Variants in MICAL3 observed in about 807,000 individuals in gnomAD.
MICAL3 encodes [F-actin]-monooxygenase MICAL3.
MICAL3 carries 62 observed loss-of-function variants against 207.4 expected under a neutral mutation model. The observed-to-expected ratio is 0.30, with a 90% CI of 0.24 to 0.37. MICAL3 has a LOEUF of 0.37. Among genes scored for constraint, MICAL3 ranks in the 10% least tolerant of loss-of-function variants. The pLI is 1.00. For missense variants in MICAL3, 2,368 were observed against 2,635.6 expected, an observed-to-expected ratio of 0.90 and a Z score of 2.22; for synonymous variants, 1,077 against 1,069.3, an observed-to-expected ratio of 1.01 and a Z score of -0.14.
intron 12 of MICAL3, among the ~76,000 whole-genome samples, chr22:17,891,121 G>A (rs1569118690): frequency 6.6e-6 from 1 of 152,162 alleles, no homozygotes; most frequent in South Asian, 2.1e-4. Flanking sequence ...TTGAGAGACA[G>A]CTGGCCGAAA....
chr22:17,884,598 G>A (rs1295221736), intron 16 of MICAL3, among the ~76,000 whole-genome samples: 3 of 152,142 alleles, frequency 2.0e-5, no homozygotes, highest in South Asian at 2.1e-4. Context: ...GCTGTAATAC[G>A]CATCATCTCT....
intron 5 of MICAL3, 131 bp downstream of exon 5, chr22:17,901,747 C>A: frequency 3.6e-6 from 2 of 549,064 alleles, no homozygotes; most frequent in East Asian, 3.0e-5. Flanking sequence ...CCTGCCATTC[C>A]ATCAGGGCAG....
intron 17 of MICAL3, 86 bp downstream of exon 17, chr22:17,871,751 G>T: frequency 7.8e-7 from 1 of 1,276,406 alleles, no homozygotes; most frequent in Non-Finnish European, 1.1e-6. Context: ...GAATAAGGCA[G>T]GAAGGGGCCC....
chr22:17,993,642 G>C (rs1921944058), intron 1 of MICAL3, among the ~76,000 whole-genome samples: 1 of 151,908 alleles, frequency 6.6e-6, no homozygotes, highest in Non-Finnish European at 1.5e-5. Context: ...TGCCCCCCGG[G>C]AAGCCCCCCT....
Position 17,818,201 on chromosome 22 carries a change from G to C in MICAL3, c.4460C>G (p.Pro1487Arg). The change falls in exon 26 of 32, where the codon CCG becomes CGG. Residue 1487 changes from proline to arginine, a missense_variant. Pro to Arg is a moderately radical substitution (Grantham distance 103). Transcript: ENST00000441493. ...CATCCAGGTGGCGGGCAAGGGCGGC[G>C]GGACCACCGAGGCATTGGGCTCGGC... ...REAEPNASVV[P>R]PPLPATWMRP... 1 of 1,556,538 alleles carries C rather than the reference G, an allele frequency of 6.4e-7. No individual in the cohort carries two copies. Among genetic ancestry groups the C allele is most frequent in the Non-Finnish European group, 8.6e-7 (1 of 1,157,524 alleles).
chr22:17,871,276 G>A (rs1927699601), intron 17 of MICAL3, among the ~76,000 whole-genome samples: 2 of 152,290 alleles, frequency 1.3e-5, no homozygotes, highest in South Asian at 4.2e-4. Context: ...TGTTGCCAAA[G>A]ACCAGGCCTT....
At position 17,823,272 on chromosome 22, in the gene MICAL3, C is replaced by T. The variant is rs566120752; in HGVS notation, c.3194-212G>A. Among the ~76,000 whole-genome samples, 57 of 152,348 alleles carry T rather than the reference C, an allele frequency of 3.7e-4. 1 individual carries two copies. The highest frequency in any genetic ancestry group is 7.6e-4 in the Non-Finnish European group (52 of 68,022). On this transcript the variant is annotated intron_variant, in intron 22 of 31. Coordinates refer to ENST00000441493, the MANE Select transcript of MICAL3 (RefSeq NM_015241.3). ...CCAAACACAGGAGGTGGGCATTTCT[C>T]AATGCTAGGGGCCAAGTGGGAAGAG... is the stretch of plus-strand genomic sequence containing the variant.
chr22:18,016,797 G>A (rs1924082749), intron 1 of MICAL3, among the ~76,000 whole-genome samples: 4 of 151,956 alleles, frequency 2.6e-5, no homozygotes, highest in Admixed American at 1.3e-4. Flanking sequence ...AAACTTAGCC[G>A]GGGGTGGTGG....
intron 19 of MICAL3, among the ~76,000 whole-genome samples, chr22:17,853,996 C>G (rs1286215459): frequency 6.6e-6 from 1 of 152,176 alleles, no homozygotes; most frequent in African/African-American, 2.4e-5. Context: ...GGGCTGGGAG[C>G]TGGCAACACT....
intron 19 of MICAL3, chr22:17,858,497 C>T (rs1042754997): frequency 9.1e-6 from 9 of 985,110 alleles, no homozygotes; most frequent in East Asian, 1.1e-4. Flanking sequence ...TGGCTGCTGC[C>T]GTTCAGAGCT....
chr22:17,892,595 A>T (rs1418873865), intron 11 of MICAL3, among the ~76,000 whole-genome samples: 1 of 152,212 alleles, frequency 6.6e-6, no homozygotes, highest in East Asian at 1.9e-4. Context: ...ATGAGCTTTT[A>T]CTCAGATCTG....
At chr22:17,795,106 T>C (rs2061861475) in intron 29 of MICAL3, among the ~76,000 whole-genome samples, 1 of 152,216 alleles carries the variant, frequency 6.6e-6, no homozygotes, top group African/African-American at 2.4e-5. Flanking sequence ...GAATCTGCTA[T>C]TGGGTACAAC....
intron 21 of MICAL3, among the ~76,000 whole-genome samples, chr22:17,828,073 G>A (rs1335834344): frequency 6.6e-6 from 1 of 152,134 alleles, no homozygotes; most frequent in Non-Finnish European, 1.5e-5. Context: ...TCCTTTCTGA[G>A]GCTCCTTTCA....
At chr22:17,970,072 C>T (rs989204660) in intron 1 of MICAL3, among the ~76,000 whole-genome samples, 8 of 152,218 alleles carry the variant, frequency 5.3e-5, no homozygotes, top group Non-Finnish European at 1.0e-4. Flanking sequence ...GCCGTTGCTC[C>T]AGCCGCTCCA....
At chr22:17,894,348 T>A (rs1484409458) in intron 10 of MICAL3, among the ~76,000 whole-genome samples, 6 of 144,644 alleles carry the variant, frequency 4.1e-5, no homozygotes, top group Admixed American at 7.2e-5. Context: ...GCTGAGATAG[T>A]GCCACCACAC....
intron 27 of MICAL3, 160 bp from the exon 28 acceptor site, chr22:17,810,973 G>A: frequency 1.7e-6 from 1 of 595,820 alleles, no homozygotes; most frequent in Non-Finnish European, 3.0e-6. Flanking sequence ...AGTGCTAGCA[G>A]GACGGGGGTG....
At chr22:17,889,798 C>A (rs1930243088) in intron 12 of MICAL3, among the ~76,000 whole-genome samples, 1 of 152,074 alleles carries the variant, frequency 6.6e-6, no homozygotes, top group Admixed American at 6.5e-5. Context: ...TAGGGCGGGA[C>A]CTGTCTCTAA....
chr22:17,892,813 T>C (rs1375662422), intron 11 of MICAL3, among the ~76,000 whole-genome samples: 1 of 152,170 alleles, frequency 6.6e-6, no homozygotes, highest in African/African-American at 2.4e-5. Flanking sequence ...AATGTCCAAA[T>C]GACTCAAACC....
chr22:17,895,442 G>T (rs1157728085), intron 9 of MICAL3, 32 bp from the exon 10 acceptor site: 2 of 1,610,994 alleles, frequency 1.2e-6, no homozygotes, highest in African/African-American at 2.7e-5. Flanking sequence ...CTCAGAATCG[G>T]GACCAGCACC....
Sources: allele counts gnomAD v4.1 joint callset (sites outside exome capture counted in the v4.1 genomes callset), GRCh38; gene constraint gnomAD v4.1.1; transcripts MANE v1.5; gene names NCBI Gene and HGNC (gene_info 2026-07-23, HGNC 2026-07-21).